The following PPP2R2A variants were observed in gnomAD, a reference collection of about 807,000 sequenced individuals.
PPP2R2A encodes the protein serine/threonine-protein phosphatase 2A 55 kDa regulatory subunit B alpha isoform.
In PPP2R2A, 9 loss-of-function variants were observed where a neutral mutation model predicts 53.2. The observed-to-expected ratio is 0.17, with a 90% CI of 0.10 to 0.30. The LOEUF is 0.30. PPP2R2A is among the 10% of genes least tolerant of loss of function. PPP2R2A has a pLI of 1.00. For synonymous variants in PPP2R2A, 169 were observed against 174.2 expected, an observed-to-expected ratio of 0.97 and a Z score of 0.23; for missense variants, 235 against 534.6, an observed-to-expected ratio of 0.44 and a Z score of 5.53.
intron 3 of PPP2R2A, among the ~76,000 whole-genome samples, chr8:26,347,105 C>T (rs767247170): frequency 6.6e-6 from 1 of 151,738 alleles, no homozygotes; most frequent in East Asian, 1.9e-4. Context: ...ATGAAGAAAA[C>T]GTGATCCAGG....
chr8:26,314,939 G>A (rs1205434603), intron 2 of PPP2R2A, among the ~76,000 whole-genome samples: 1 of 141,590 alleles, frequency 7.1e-6, no homozygotes, highest in African/African-American at 2.7e-5. Context: ...TTACATTCTG[G>A]GGGAGTTCCT....
At chr8:26,298,980 A>G (rs1041283283) in intron 2 of PPP2R2A, among the ~76,000 whole-genome samples, 2 of 152,262 alleles carry the variant, frequency 1.3e-5, no homozygotes, top group African/African-American at 4.8e-5. Context: ...TAATTGGTCA[A>G]AATAATAGAA....
At position 26,371,527 on chromosome 8, in the gene PPP2R2A, A is replaced by G. The variant is rs1418199452; in HGVS notation, c.*1114A>G. The G allele has an allele frequency of 6.6e-6, 1 of 152,212 alleles. No homozygotes were observed. The highest frequency in any genetic ancestry group is 1.5e-5 in the Non-Finnish European group (1 of 68,030). The allele number at this position is 152,212 out of a possible 1,614,324, so 9.4% of individuals were successfully genotyped here. ...CCTTACTAAATAGTCAAAGACTTAT[A>G]AAACATTTTTAACAAGTTAGAACTT... is the stretch of plus-strand genomic sequence containing the variant. On this transcript the variant is annotated 3_prime_UTR_variant, in exon 10 of 10. Coordinates refer to ENST00000380737, the MANE Select transcript of PPP2R2A (RefSeq NM_002717.4).
chr8:26,291,572 C>T lies in PPP2R2A; in HGVS notation c.-248C>T, dbSNP rs1801294947. On this transcript the variant is annotated 5_prime_UTR_variant, in exon 1 of 10. Transcript: ENST00000380737. The stretch of plus-strand genomic sequence containing the variant: ...CCTGCCGCTGCCGCCGCCGCCGTCG[C>T]TGTCGTAGTCGCCGCCGCCGCTGCC... 1.8e-6 allele frequency: 1 copy of T among 541,334 alleles called. No individual in the cohort carries two copies. The allele number at this position is 541,334 out of a possible 1,614,324, so 33.5% of individuals were successfully genotyped here. A position where few individuals can be genotyped will look rare whatever the true frequency, so the allele number is the denominator to read the frequency against.
intron 2 of PPP2R2A, among the ~76,000 whole-genome samples, chr8:26,310,053 C>T (rs937547837): frequency 2.0e-5 from 3 of 150,502 alleles, no homozygotes; most frequent in Non-Finnish European, 4.4e-5. Context: ...GAGGCTGAGG[C>T]GGGCGGATCA....
intron 3 of PPP2R2A, among the ~76,000 whole-genome samples, chr8:26,348,733 T>A (rs934579875): frequency 1.3e-5 from 2 of 152,222 alleles, no homozygotes; most frequent in Admixed American, 1.3e-4. Flanking sequence ...AGTTTGCCTT[T>A]AAGTCTTGAC....
intron 2 of PPP2R2A, among the ~76,000 whole-genome samples, chr8:26,330,198 A>G (rs564112753): frequency 1.3e-5 from 2 of 152,128 alleles, no homozygotes; most frequent in South Asian, 4.1e-4. Flanking sequence ...TAAATCTGTT[A>G]GTCTTATCCA....
chr8:26,365,357 ATTCCTCTGT>A (rs1805316760), intron 8 of PPP2R2A: 1 of 152,128 alleles, frequency 6.6e-6, no homozygotes, highest in African/African-American at 2.4e-5. Context: ...ATGAGTTGCT[ATTCCTCTGT>A]ATTACAGATT....
chr8:26,334,662 G>A (rs1455463750), intron 2 of PPP2R2A, among the ~76,000 whole-genome samples: 3 of 151,880 alleles, frequency 2.0e-5, no homozygotes, highest in African/African-American at 7.3e-5. Flanking sequence ...GGAGAATGGC[G>A]TGAACCCGGG....
At chr8:26,335,400 G>T (rs1415422861) in intron 2 of PPP2R2A, among the ~76,000 whole-genome samples, 1 of 152,144 alleles carries the variant, frequency 6.6e-6, no homozygotes, top group South Asian at 2.1e-4. Flanking sequence ...ACACCATGAC[G>T]TAGTGATATA....
At chr8:26,331,132 T>G (rs987003860) in intron 2 of PPP2R2A, among the ~76,000 whole-genome samples, 6 of 152,124 alleles carry the variant, frequency 3.9e-5, no homozygotes, top group Admixed American at 3.9e-4. Flanking sequence ...TGCCTTTACG[T>G]TGTAGCTGCT....
intron 6 of PPP2R2A, among the ~76,000 whole-genome samples, chr8:26,361,556 T>C (rs1805082502): frequency 6.6e-6 from 1 of 151,972 alleles, no homozygotes; most frequent in South Asian, 2.1e-4. Flanking sequence ...ACAGTGAGCT[T>C]GATTGTGCCT....
Position 26,354,710 on chromosome 8 carries a change from C to A in PPP2R2A, c.346+77C>A. 8.0e-7 allele frequency: 1 copy of A among 1,244,764 alleles called. No homozygotes were observed. The highest frequency in any genetic ancestry group is 1.0e-6 in the Non-Finnish European group (1 of 952,380). The allele number at this position is 1,244,764 out of a possible 1,614,324, so 77.1% of individuals were successfully genotyped here. A position where few individuals can be genotyped will look rare whatever the true frequency, so the allele number is the denominator to read the frequency against. On this transcript the variant is annotated intron_variant, in intron 4 of 9. Coordinates refer to ENST00000380737, the MANE Select transcript of PPP2R2A (RefSeq NM_002717.4). This position sits in a 1 kb window ranked among gnomAD's most constrained non-coding sequence, Gnocchi z 4.6. ...ATATCCTGTAGCCTAGGAGAGGAAT[C>A]ATTTAACAGAGATACTTGTAAAAAG...
chr8:26,345,854 G>T (rs1804185164), intron 3 of PPP2R2A, among the ~76,000 whole-genome samples: 1 of 152,066 alleles, frequency 6.6e-6, no homozygotes, highest in Non-Finnish European at 1.5e-5. Context: ...TTCTAGTGGT[G>T]TATTTATTGA....
intron 2 of PPP2R2A, among the ~76,000 whole-genome samples, chr8:26,308,441 A>G (rs1189135375): frequency 6.6e-6 from 1 of 152,254 alleles, no homozygotes; most frequent in Non-Finnish European, 1.5e-5. Context: ...CTAAGTTTAT[A>G]TAATATTCTA....
Position 26,370,541 on chromosome 8 carries a change from A to AC in PPP2R2A, c.*129dup, listed in dbSNP as rs1349113696. 2 of 1,047,734 alleles carry AC rather than the reference A, an allele frequency of 1.9e-6. No homozygotes were observed. The highest frequency in any genetic ancestry group is 3.2e-5 in the African/African-American group (2 of 62,278). The allele number at this position is 1,047,734 out of a possible 1,614,324, so 64.9% of individuals were successfully genotyped here. Reference sequence around the variant, plus strand: ...CCAGTGTTTGACAGTGTGCCATTCGACAACACATTGTTATAGCTACATGGA... The same window carrying AC: ...CCAGTGTTTGACAGTGTGCCATTCGACCAACACATTGTTATAGCTACATGGA... On this transcript the variant is annotated 3_prime_UTR_variant, in exon 10 of 10. Coordinates refer to ENST00000380737, the MANE Select transcript of PPP2R2A (RefSeq NM_002717.4). This position sits in a 1 kb window ranked among gnomAD's most constrained non-coding sequence, Gnocchi z 6.1.
intron 1 of PPP2R2A, chr8:26,293,146 G>C: frequency 8.1e-7 from 1 of 1,239,720 alleles, no homozygotes; most frequent in Non-Finnish European, 1.1e-6. Context: ...TGGAGCCAGT[G>C]ATTTGCTGGT....
chr8:26,357,761 G>A (rs1028971625), intron 4 of PPP2R2A, among the ~76,000 whole-genome samples: 1 of 151,876 alleles, frequency 6.6e-6, no homozygotes, highest in African/African-American at 2.4e-5. Context: ...CCTTCTGCTT[G>A]TGGTGAGAGG....
intron 2 of PPP2R2A, among the ~76,000 whole-genome samples, chr8:26,329,871 C>T (rs1803280592): frequency 6.6e-6 from 1 of 152,176 alleles, no homozygotes; most frequent in Non-Finnish European, 1.5e-5. Flanking sequence ...TGCAAAATCA[C>T]ATCACTACTG....
Sources: allele counts gnomAD v4.1 joint callset (sites outside exome capture counted in the v4.1 genomes callset), GRCh38; gene constraint gnomAD v4.1.1; non-coding constraint Gnocchi (gnomAD v3.1); transcripts MANE v1.5; gene names NCBI Gene and HGNC (gene_info 2026-07-23, HGNC 2026-07-21).